ZFHX2: variants seen among roughly 807,000 people sequenced by gnomAD.
ZFHX2 encodes zinc finger homeobox protein 2.
ZFHX2 carries 75 observed loss-of-function variants against 164.8 expected under a neutral mutation model. The ratio of observed to expected loss-of-function variants is 0.46; its 90% CI spans 0.38 to 0.55. The LOEUF (loss-of-function observed/expected upper bound fraction) is 0.55. Ranked by LOEUF, ZFHX2 falls within the 20% of genes least tolerant of loss-of-function variation. ZFHX2 has a pLI of 0.00. For synonymous variants in ZFHX2, 1,217 were observed against 1,351.4 expected (o/e 0.90, Z 2.18); for missense variants, 2,933 against 3,308.0 (o/e 0.89, Z 2.78).
At position 23,523,321 on chromosome 14, in the gene ZFHX2, G is replaced by A. The variant is rs1412696231; in HGVS notation, c.6621C>T (p.Thr2207=). ...APPALKAPPA[T]TPASMPLGAA... Reference sequence around the variant, plus strand: ...CCCCGAGGGGCATGGAGGCAGGTGTGGTGGCAGGTGGGGCCTTGAGAGCTG... The same window carrying A: ...CCCCGAGGGGCATGGAGGCAGGTGTAGTGGCAGGTGGGGCCTTGAGAGCTG... Residue 2207 remains threonine (T), a synonymous_variant, in exon 9 of 10, where the codon ACC becomes ACT. Coordinates refer to ENST00000419474, the MANE Select transcript of ZFHX2 (RefSeq NM_033400.3). This position sits in a 1 kb window ranked among gnomAD's most constrained non-coding sequence, Gnocchi z 4.1. 2.1e-6 allele frequency: 3 copies of A among 1,453,632 alleles called. No homozygotes were observed. Among genetic ancestry groups the A allele is most frequent in the Non-Finnish European group, 2.7e-6 (3 of 1,107,244 alleles). The allele number at this position is 1,453,632 out of a possible 1,614,324, so 90.0% of individuals were successfully genotyped here.
chr14:23,550,671 G>A (rs1881855975), intron 1 of ZFHX2, among the ~76,000 whole-genome samples: 1 of 152,214 alleles, frequency 6.6e-6, no homozygotes, highest in Non-Finnish European at 1.5e-5. Context: ...GCAGACGAGC[G>A]GATGGGGGTG....
chr14:23,550,640 A>C (rs1156285894), intron 1 of ZFHX2, among the ~76,000 whole-genome samples: 1 of 152,186 alleles, frequency 6.6e-6, no homozygotes, highest in Non-Finnish European at 1.5e-5. Context: ...GTGCTTGAAA[A>C]TGATAGGGCT....
upstream of ZFHX2, among the ~76,000 whole-genome samples, chr14:23,551,887 C>A (rs921461590): frequency 6.6e-6 from 1 of 152,164 alleles, no homozygotes; most frequent in Admixed American, 6.5e-5. This position sits in a 1 kb window ranked among gnomAD's most constrained non-coding sequence, Gnocchi z 5.3. Flanking sequence ...GACCCAGGGC[C>A]GGGGGCAGGC....
In ZFHX2 at chr14:23,533,893, TC is replaced by T; in HGVS notation, c.1432del (p.Glu478ArgfsTer111). ...GCAGTAGCTGCAGTGACTGTTGCTCTCAGGGTGCTTCTCTCGCATGTGCACA... is the reference window on the plus strand; with the variant it reads ...GCAGTAGCTGCAGTGACTGTTGCTCTAGGGTGCTTCTCTCGCATGTGCACA... ...LDVHMREKHPESNSHCSYCSA... is the reference protein window; with the variant it reads ...LDVHMREKHPXSNSHCSYCSA... On this transcript the variant is annotated frameshift_variant, in exon 2 of 10. Coordinates refer to ENST00000419474, the MANE Select transcript of ZFHX2 (RefSeq NM_033400.3). LOFTEE classifies it high-confidence loss of function. The surrounding 1 kb of genome is among the most constrained non-coding windows in gnomAD (Gnocchi z 4.8). 1 of 1,538,070 alleles carries T rather than the reference TC, an allele frequency of 6.5e-7. No individual in the cohort carries two copies. Among genetic ancestry groups the T allele is most frequent in the Non-Finnish European group, 8.7e-7 (1 of 1,147,218 alleles).
rs768758498 is a variant in ZFHX2 at position 23,522,783 on chromosome 14, G to T, written c.6898C>A (p.Pro2300Thr). The change falls in exon 10 of 10, where the codon CCT (proline) becomes ACT (threonine). Residue 2300 changes from proline to threonine, a missense_variant. Pro to Thr is a conservative substitution (Grantham distance 38). Coordinates refer to ENST00000419474, the MANE Select transcript of ZFHX2 (RefSeq NM_033400.3). ...TTGTCCCCCAAGGGCTCAGTAGGAG[G>T]GCCTGGGACAGGGTCAGTGGTGCCT... The part of the protein sequence containing the change: ...TAGTTDPVPG[P>T]PTEPLGDKVS... 7 of 1,536,280 alleles carry T rather than the reference G, an allele frequency of 4.6e-6. 1 individual carries two copies. In the Admixed American group the frequency reaches 5.9e-5, roughly 13 times the overall value.
At chr14:23,528,623 C>A in intron 6 of ZFHX2, 1 of 985,440 alleles carries the variant, frequency 1.0e-6, no homozygotes, top group Non-Finnish European at 1.2e-6. Flanking sequence ...TGGAAAGGGG[C>A]CCTACCTGTC....
chr14:23,522,706 A>G lies in ZFHX2; in HGVS notation c.6975T>C (p.Asp2325=). The G allele has an allele frequency of 6.5e-7, 1 of 1,536,638 alleles. No homozygotes were observed. The highest frequency in any genetic ancestry group is 2.4e-5 in the East Asian group (1 of 40,900). ...PVAGPTSSSN[D]ALKNLKALKT... is the part of the protein sequence containing the mutation. Reference sequence around the variant, plus strand: ...TCAATGCTTTGAGGTTCTTGAGGGCATCATTGGAGGAGCTGGTGGGGCCTG... The same window carrying G: ...TCAATGCTTTGAGGTTCTTGAGGGCGTCATTGGAGGAGCTGGTGGGGCCTG... The change falls in exon 10 of 10, where the codon GAT becomes GAC. Residue 2325 remains aspartate, a synonymous_variant. Coordinates refer to ENST00000419474, the MANE Select transcript of ZFHX2 (RefSeq NM_033400.3).
rs1405901633 is a variant in ZFHX2 at position 23,521,066 on chromosome 14, AC to A, written c.*895del. 6.6e-6 allele frequency: 1 copy of A among 151,254 alleles called. No homozygotes were observed. The highest frequency in any genetic ancestry group is 1.5e-5 in the Non-Finnish European group (1 of 67,870). 9.4% of individuals were successfully genotyped at this position (151,254 alleles called of 1,614,324 possible). ...GGCAGTGCCTGTCCCTGGAGGCTGG[AC>A]CCTCACGTGGCAGGGCTAGGACAAG... On this transcript the variant is annotated 3_prime_UTR_variant, in exon 10 of 10. Transcript: ENST00000419474.
At position 23,534,688 on chromosome 14, in the gene ZFHX2, G is replaced by A. The variant is rs963564984; in HGVS notation, c.638C>T (p.Ala213Val). Residue 213 changes from alanine to valine, a missense_variant, in exon 2 of 10, where the codon GCT becomes GTT. Physicochemically the swap from Ala to Val is moderately conservative, Grantham distance 64. Transcript: ENST00000419474. This position sits in a 1 kb window ranked among gnomAD's most constrained non-coding sequence, Gnocchi z 4.5. ...TTTGGGATCTCCGGGTGGATTTGGA[G>A]CCAGCTGGTAGCTCCAGAAAGCTCC... ...RHGAFWSYQLAPNPPGDPKDG... is the reference protein window; with the variant it reads ...RHGAFWSYQLVPNPPGDPKDG... The A allele has an allele frequency of 6.5e-7, 1 of 1,536,196 alleles. No individual in the cohort carries two copies. The highest frequency in any genetic ancestry group is 1.2e-5 in the South Asian group (1 of 84,066).
At position 23,533,211 on chromosome 14, in the gene ZFHX2, G is replaced by C; in HGVS notation, c.2041+74C>G. On this transcript the variant is annotated intron_variant, in intron 2 of 9. Transcript: ENST00000419474. The surrounding 1 kb of genome is among the most constrained non-coding windows in gnomAD (Gnocchi z 4.8). ...CTTATGGTTACCTAAGTGGGGAGTT[G>C]GTCCTTGGGAGAAAGCACGGAATAG... The C allele has an allele frequency of 7.0e-7, 1 of 1,435,742 alleles. No individual in the cohort carries two copies. The highest frequency in any genetic ancestry group is 9.1e-7 in the Non-Finnish European group (1 of 1,099,364). The allele number at this position is 1,435,742 out of a possible 1,614,324, so 88.9% of individuals were successfully genotyped here.
chr14:23,547,192 G>A (rs1054974056), intron 1 of ZFHX2, among the ~76,000 whole-genome samples: 6 of 152,322 alleles, frequency 3.9e-5, no homozygotes, highest in African/African-American at 1.4e-4. Flanking sequence ...CCCTCACAGG[G>A]TTCTTTACAT....
rs1410519744 is a variant in ZFHX2 at position 23,525,822 on chromosome 14, C to A, written c.4120G>T (p.Val1374Leu). Reference sequence around the variant, plus strand: ...CCAGCTAGTGTCAGCTTGGGCCCCACCTTGAGATCGTGGAGGTAGAAGGGC... The same window carrying A: ...CCAGCTAGTGTCAGCTTGGGCCCCAACTTGAGATCGTGGAGGTAGAAGGGC... ...LLPFYLHDLKVGPKLTLAGPA... is the reference protein window; with the variant it reads ...LLPFYLHDLKLGPKLTLAGPA... The change falls in exon 9 of 10, where the codon GTG (valine) becomes TTG (leucine). Residue 1374 changes from valine to leucine, a missense_variant. Val to Leu is a conservative substitution (Grantham distance 32, BLOSUM62 1). Transcript: ENST00000419474. This position sits in a 1 kb window ranked among gnomAD's most constrained non-coding sequence, Gnocchi z 5.9. 1 of 1,460,136 alleles carries A rather than the reference C, an allele frequency of 6.8e-7. No homozygotes were observed. The highest frequency in any genetic ancestry group is 9.0e-7 in the Non-Finnish European group (1 of 1,112,018). 90.4% of individuals were successfully genotyped at this position (1,460,136 alleles called of 1,614,324 possible).
rs1879875817 is a variant in ZFHX2, at chr14:23,533,985, G to A, written c.1341C>T (p.Arg447=). Residue 447 remains arginine (R), a synonymous_variant, in exon 2 of 10, where the codon CGC becomes CGT. Transcript: ENST00000419474. This position sits in a 1 kb window ranked among gnomAD's most constrained non-coding sequence, Gnocchi z 4.8. ...LSSHMSLLHS[R]NSCKTLKCPK... ...GACACTTGAGTGTCTTGCAGGAGTT[G>A]CGTGAGTGGAGCAGGGACATGTGGC... 1 of 1,537,480 alleles carries A rather than the reference G, an allele frequency of 6.5e-7. No homozygotes were observed. Among genetic ancestry groups the A allele is most frequent in the African/African-American group, 1.4e-5 (1 of 73,048 alleles).
At chr14:23,544,329 C>T (rs1014411313) in intron 1 of ZFHX2, 4 of 151,062 alleles carry the variant, frequency 2.6e-5, no homozygotes, top group Non-Finnish European at 5.9e-5. Flanking sequence ...GAGTTGAGTC[C>T]ATTGAGAGGA....
Position 23,531,493 on chromosome 14 carries a change from G to C in ZFHX2, c.2788C>G (p.Leu930Val). ...CCTTCTTCCTCACCGGGAGTCCGGAGCTGCCCGTGGCTGAAGCTCAGGATG... is the reference window on the plus strand; with the variant it reads ...CCTTCTTCCTCACCGGGAGTCCGGACCTGCCCGTGGCTGAAGCTCAGGATG... ...QSILSFSHGQLRTPGKAPVTP... is the reference protein window; with the variant it reads ...QSILSFSHGQVRTPGKAPVTP... Residue 930 changes from leucine (L) to valine (V), a missense_variant, in exon 4 of 10, where the codon CTC (leucine) becomes GTC (valine). Transcript: ENST00000419474. 4 of 1,423,442 alleles carry C rather than the reference G, an allele frequency of 2.8e-6. No homozygotes were observed. Among genetic ancestry groups the C allele is most frequent in the Admixed American group, 2.4e-5 (1 of 41,202 alleles). The allele number at this position is 1,423,442 out of a possible 1,614,324, so 88.2% of individuals were successfully genotyped here. A position where few individuals can be genotyped will look rare whatever the true frequency, so the allele number is the denominator to read the frequency against.
intron 1 of ZFHX2, among the ~76,000 whole-genome samples, chr14:23,549,021 A>G (rs1445629834): frequency 6.6e-6 from 1 of 151,962 alleles, no homozygotes; most frequent in Non-Finnish European, 1.5e-5. Context: ...CCTTCTTTGT[A>G]CCATACTCTC....
In ZFHX2 at chr14:23,524,605, G is replaced by A; in HGVS notation, c.5337C>T (p.Ser1779=). ...HTCDQCAISF[S]SQDLLTSHRR... ...GGTGACTGGTCAGGAGGTCCTGGCT[G>A]GAGAAAGAAATGGCACACTGGTCAC... Residue 1779 remains serine, a synonymous_variant, in exon 9 of 10, where the codon TCC becomes TCT. Transcript: ENST00000419474. This position sits in a 1 kb window ranked among gnomAD's most constrained non-coding sequence, Gnocchi z 5.6. 6.5e-7 allele frequency: 1 copy of A among 1,536,320 alleles called. No individual in the cohort carries two copies. The highest frequency in any genetic ancestry group is 8.7e-7 in the Non-Finnish European group (1 of 1,146,870).
In ZFHX2 at chr14:23,525,744, G is replaced by T; in HGVS notation, c.4198C>A (p.Pro1400Thr). The change falls in exon 9 of 10, where the codon CCT (proline) becomes ACT (threonine). Residue 1400 changes from proline (P) to threonine (T), a missense_variant. Pro to Thr is a conservative substitution (Grantham distance 38, BLOSUM62 -1). Transcript: ENST00000419474. The surrounding 1 kb of genome is among the most constrained non-coding windows in gnomAD (Gnocchi z 5.9). Reference sequence around the variant, plus strand: ...CGCTCAGCCAGCTCAGCCTTGGGAGGTTGGGGTGGAGGAGGAGGGGTGGCA... The same window carrying T: ...CGCTCAGCCAGCTCAGCCTTGGGAGTTTGGGGTGGAGGAGGAGGGGTGGCA... ...PAATPPPPPQ[P>T]PKAELAEREW... is the part of the protein sequence containing the mutation. 1 of 1,511,848 alleles carries T rather than the reference G, an allele frequency of 6.6e-7. No homozygotes were observed. The highest frequency in any genetic ancestry group is 2.5e-5 in the East Asian group (1 of 40,736). The allele number at this position is 1,511,848 out of a possible 1,614,324, so 93.7% of individuals were successfully genotyped here.
chr14:23,533,142 T>C lies in ZFHX2; in HGVS notation c.2042-58A>G. ...AAGAAATGGGGCACGGTTGGTTCTC[T>C]ATGTGGGGAGGTGGGTTAATGAGTA... On this transcript the variant is annotated intron_variant, in intron 2 of 9. Coordinates refer to ENST00000419474, the MANE Select transcript of ZFHX2 (RefSeq NM_033400.3). The surrounding 1 kb of genome is among the most constrained non-coding windows in gnomAD (Gnocchi z 4.8). The C allele has an allele frequency of 6.8e-7, 1 of 1,463,846 alleles. No homozygotes were observed. Among genetic ancestry groups the C allele is most frequent in the Non-Finnish European group, 9.0e-7 (1 of 1,110,316 alleles). 90.7% of individuals were successfully genotyped at this position (1,463,846 alleles called of 1,614,324 possible).
Sources: allele counts gnomAD v4.1 joint callset (sites outside exome capture counted in the v4.1 genomes callset), GRCh38; gene constraint gnomAD v4.1.1; non-coding constraint Gnocchi (gnomAD v3.1); transcripts MANE v1.5; gene names NCBI Gene and HGNC (gene_info 2026-07-23, HGNC 2026-07-21).